ADGRL2: variants seen among roughly 807,000 people sequenced by gnomAD.
The protein encoded by ADGRL2 is calcium-independent alpha-latrotoxin receptor 2.
Under a neutral mutation model 157.4 loss-of-function variants are expected in ADGRL2, and 44 were observed. That is an observed-to-expected ratio of 0.28 (90% confidence interval 0.22 to 0.36). The LOEUF (loss-of-function observed/expected upper bound fraction) is 0.36, where lower values mean the gene tolerates loss of function less well. Ranked by LOEUF, ADGRL2 falls within the 10% of genes least tolerant of loss-of-function variation. ADGRL2 has a pLI of 1.00. For missense variants in ADGRL2, 1,510 were observed against 1,768.9 expected (o/e 0.85, Z 2.63); for synonymous variants, 585 against 624.7 (o/e 0.94, Z 0.95).
intron 1 of ADGRL2, among the ~76,000 whole-genome samples, chr1:81,720,866 A>G (rs768100770): frequency 3.5e-4 from 53 of 150,270 alleles, no homozygotes; most frequent in Non-Finnish European, 6.1e-4. Flanking sequence ...CCTCACTTAT[A>G]TATTAACATA....
At chr1:81,664,834 A>G (rs2148893590) in intron 3 of ADGRL2, among the ~76,000 whole-genome samples, 3 of 152,262 alleles carry the variant, frequency 2.0e-5, no homozygotes, top group East Asian at 1.9e-4. Context: ...TGGATATTAT[A>G]TATATCTGGG....
intron 3 of ADGRL2, among the ~76,000 whole-genome samples, chr1:81,628,748 T>C (rs184768294): frequency 7.9e-4 from 120 of 152,318 alleles, no homozygotes; most frequent in Middle Eastern, 3.4e-3. Context: ...ACTTTCTCAC[T>C]TCTAAATCAA....
At chr1:81,764,285 A>G (rs1036099439) in intron 2 of ADGRL2, among the ~76,000 whole-genome samples, 23 of 151,742 alleles carry the variant, frequency 1.5e-4, no homozygotes, top group African/African-American at 5.6e-4. Flanking sequence ...TAAATCGTTT[A>G]TTATTAATAA....
intron 1 of ADGRL2, among the ~76,000 whole-genome samples, chr1:81,708,170 A>G (rs2083802411): frequency 6.6e-6 from 1 of 152,170 alleles, no homozygotes; most frequent in African/African-American, 2.4e-5. Flanking sequence ...GCACTCAAGG[A>G]GGCACCTTCA....
chr1:81,986,940 G>A lies in ADGRL2; in HGVS notation c.3548G>A (p.Arg1183Gln), dbSNP rs764807610. 1.9e-6 allele frequency: 3 copies of A among 1,607,664 alleles called. No individual in the cohort carries two copies. The highest frequency in any genetic ancestry group is 1.7e-5 in the Admixed American group (1 of 59,516). Residue 1183 changes from arginine (R) to glutamine (Q), a missense_variant, in exon 22 of 24, where the codon CGA becomes CAA. Coordinates refer to ENST00000686636, the MANE Select transcript of ADGRL2 (RefSeq NM_001366006.2). ...GNYLLTNPLL[R>Q]PHGTNNPYNT... ...TACCTACTAACAAACCCTCTTCTTC[G>A]ACCCCACGGCACTAACAACCCCTAT...
At chr1:81,649,280 G>A (rs1270791808) in intron 3 of ADGRL2, among the ~76,000 whole-genome samples, 1 of 152,142 alleles carries the variant, frequency 6.6e-6, no homozygotes. Flanking sequence ...TTTTCTCGCT[G>A]CTTTCCCTGC....
chr1:81,741,340 T>C (rs955234587), intron 1 of ADGRL2, among the ~76,000 whole-genome samples: 12 of 152,212 alleles, frequency 7.9e-5, no homozygotes, highest in African/African-American at 2.9e-4. Flanking sequence ...CAGTATATTT[T>C]ACATTTTTAG....
chr1:81,517,427 T>C (rs1405362870), intron 2 of ADGRL2, among the ~76,000 whole-genome samples: 2 of 132,540 alleles, frequency 1.5e-5, no homozygotes, highest in African/African-American at 6.1e-5. Flanking sequence ...ATCATGCCAT[T>C]GCACTCCAGC....
chr1:81,603,129 G>A (rs1428112041), intron 3 of ADGRL2, among the ~76,000 whole-genome samples: 1 of 151,864 alleles, frequency 6.6e-6, no homozygotes, highest in Non-Finnish European at 1.5e-5. Context: ...TCAATGGCTA[G>A]TCCTAATTCT....
At chr1:81,317,389 C>T (rs569323896) in intron 1 of ADGRL2, among the ~76,000 whole-genome samples, 90 of 152,320 alleles carry the variant, frequency 5.9e-4, no homozygotes, top group Non-Finnish European at 1.1e-3. Context: ...CTCATCACTT[C>T]ATTCAGGAAA....
intron 1 of ADGRL2, among the ~76,000 whole-genome samples, chr1:81,835,578 C>T (rs1278528678): frequency 6.6e-6 from 1 of 152,054 alleles, no homozygotes; most frequent in Admixed American, 6.6e-5. Flanking sequence ...CCATGTGTCT[C>T]CATCAGATTA....
chr1:81,632,326 C>T (rs2082025676), intron 3 of ADGRL2, among the ~76,000 whole-genome samples: 1 of 152,158 alleles, frequency 6.6e-6, no homozygotes, highest in African/African-American at 2.4e-5. Flanking sequence ...TTAGTAGGAC[C>T]TCCTGTGCAG....
At chr1:81,872,668 C>A (rs747667245) in intron 2 of ADGRL2, among the ~76,000 whole-genome samples, 1 of 152,030 alleles carries the variant, frequency 6.6e-6, no homozygotes, top group Admixed American at 6.6e-5. Flanking sequence ...GAGGCATATG[C>A]CCTTGGAAAT....
intron 3 of ADGRL2, among the ~76,000 whole-genome samples, chr1:81,915,718 A>G (rs925354187): frequency 2.6e-5 from 4 of 152,196 alleles, no homozygotes; most frequent in Admixed American, 2.0e-4. Flanking sequence ...TCTCATTTCA[A>G]CTTTGGTGAT....
At chr1:81,980,768 C>T (rs780644914) in intron 18 of ADGRL2, 19 of 661,206 alleles carry the variant, frequency 2.9e-5, no homozygotes. Context: ...CTTCCTTTTC[C>T]TCTTTCTGTC....
At chr1:81,829,635 G>T (rs2091792118) in intron 1 of ADGRL2, among the ~76,000 whole-genome samples, 1 of 152,098 alleles carries the variant, frequency 6.6e-6, no homozygotes, top group African/African-American at 2.4e-5. Context: ...AAGATTTTCT[G>T]AAACAGTTGC....
chr1:81,796,904 G>C (rs1293446622), upstream of ADGRL2, among the ~76,000 whole-genome samples: 1 of 152,184 alleles, frequency 6.6e-6, no homozygotes, highest in Non-Finnish European at 1.5e-5. Context: ...TAAGCCTATA[G>C]AGCAGGGAGA....
At chr1:81,771,587 C>A (rs184579305) in intron 2 of ADGRL2, among the ~76,000 whole-genome samples, 15 of 152,244 alleles carry the variant, frequency 9.9e-5, no homozygotes, top group Admixed American at 6.5e-5. Context: ...CATAAACCAA[C>A]CTTACTGTGT....
At chr1:81,419,354 C>T (rs1363205312) in intron 1 of ADGRL2, among the ~76,000 whole-genome samples, 1 of 152,106 alleles carries the variant, frequency 6.6e-6, no homozygotes, top group South Asian at 2.1e-4. Context: ...CAGGTGTCCA[C>T]CACCACACCT....
Sources: allele counts gnomAD v4.1 joint callset (sites outside exome capture counted in the v4.1 genomes callset), GRCh38; gene constraint gnomAD v4.1.1; transcripts MANE v1.5; gene names NCBI Gene and HGNC (gene_info 2026-07-23, HGNC 2026-07-21).